The following BDH2 variants were observed in gnomAD, a reference collection of about 807,000 sequenced individuals.
BDH2 encodes the protein dehydrogenase/reductase SDR family member 6.
In BDH2, 24 loss-of-function variants were observed where a neutral mutation model predicts 33.2. The observed-to-expected ratio is 0.72, with a 90% CI of 0.52 to 1.02. The LOEUF is 1.02. Among genes scored for constraint, BDH2 ranks in the 50% least tolerant of loss-of-function variants. The pLI, the probability that BDH2 is intolerant of heterozygous loss-of-function variation, is 0.00. For missense variants in BDH2, 249 were observed against 301.6 expected (o/e 0.83, Z 1.29); for synonymous variants, 81 against 101.6 (o/e 0.80, Z 1.22).
At chr4:103,093,063 A>G (rs982515487) in intron 3 of BDH2, among the ~76,000 whole-genome samples, 21 of 152,188 alleles carry the variant, frequency 1.4e-4, no homozygotes, top group Admixed American at 1.2e-3. Flanking sequence ...AACTTCAAAC[A>G]TTAATTTTCT....
At chr4:103,092,488 G>A in intron 4 of BDH2, 112 bp downstream of exon 4, 5 of 720,394 alleles carry the variant, frequency 6.9e-6, no homozygotes, top group Admixed American at 2.6e-5. Context: ...TATTTCCCAA[G>A]GAATATGTCA....
chr4:103,088,439 TTG>T (rs1316807080), intron 5 of BDH2, among the ~76,000 whole-genome samples: 2 of 152,174 alleles, frequency 1.3e-5, no homozygotes, highest in African/African-American at 4.8e-5. Flanking sequence ...CCCCTAACAC[TTG>T]CACTATCCAT....
intron 5 of BDH2, among the ~76,000 whole-genome samples, chr4:103,090,248 G>A (rs1201236124): frequency 2.6e-5 from 4 of 152,206 alleles, no homozygotes; most frequent in Non-Finnish European, 4.4e-5. Flanking sequence ...AATCAGGGAT[G>A]TACGCTGCTC....
chr4:103,093,015 A>G (rs957218834), intron 3 of BDH2, among the ~76,000 whole-genome samples: 6 of 152,242 alleles, frequency 3.9e-5, no homozygotes, highest in African/African-American at 1.4e-4. Flanking sequence ...GTAAGCCAGC[A>G]GTAATAACTG....
intron 7 of BDH2, among the ~76,000 whole-genome samples, chr4:103,083,968 A>C (rs1747646982): frequency 6.6e-6 from 1 of 152,186 alleles, no homozygotes; most frequent in South Asian, 2.1e-4. Context: ...CTGGGTAGAA[A>C]TCACCTTAAT....
chr4:103,084,955 A>T (rs1005606592), intron 7 of BDH2, among the ~76,000 whole-genome samples: 8 of 152,208 alleles, frequency 5.3e-5, no homozygotes, highest in African/African-American at 1.9e-4. Flanking sequence ...GGAAACCTTG[A>T]TCCTGGATAT....
chr4:103,086,812 C>T lies in BDH2; in HGVS notation c.358-272G>A, dbSNP rs779829697. ...TGGTACAAGAATGTCAGCAAGACTA[C>T]GAGTGAATGCTGACTTAAATGAAAT... On this transcript the variant is annotated intron_variant, in intron 5 of 9. Transcript: ENST00000296424. Among the ~76,000 whole-genome samples the T allele has an allele frequency of 3.3e-5, 5 of 152,180 alleles. 1 individual carries two copies. The highest frequency in any genetic ancestry group is 1.9e-4 in the East Asian group (1 of 5,202).
At chr4:103,084,914 C>T (rs1039550341) in intron 7 of BDH2, among the ~76,000 whole-genome samples, 9 of 141,250 alleles carry the variant, frequency 6.4e-5, no homozygotes, top group African/African-American at 2.2e-4. Context: ...TTTCACACAC[C>T]ACCCCCCATT....
intron 5 of BDH2, among the ~76,000 whole-genome samples, chr4:103,088,446 A>G (rs1241335001): frequency 6.6e-6 from 1 of 152,216 alleles, no homozygotes; most frequent in East Asian, 1.9e-4. Context: ...CACTTGCACT[A>G]TCCATTCAAC....
At chr4:103,084,392 C>G (rs1426438866) in intron 7 of BDH2, among the ~76,000 whole-genome samples, 1 of 152,220 alleles carries the variant, frequency 6.6e-6, no homozygotes, top group Non-Finnish European at 1.5e-5. Context: ...ATACAACCAT[C>G]AGCAGCATCT....
At chr4:103,085,704 A>G (rs1747746994) in intron 6 of BDH2, 1 of 1,435,302 alleles carries the variant, frequency 7.0e-7, no homozygotes. Context: ...CTTACTTAAC[A>G]TTGGTAGTCT....
At chr4:103,086,453 G>T in intron 6 of BDH2, 27 bp downstream of exon 6, 1 of 1,608,126 alleles carries the variant, frequency 6.2e-7, no homozygotes, top group Non-Finnish European at 8.5e-7. Context: ...TATGAGCATC[G>T]CAGTCCTCGG....
Position 103,096,203 on chromosome 4 carries a change from T to A in BDH2, c.52A>T (p.Ile18Phe). The change falls in exon 2 of 10, where the codon ATT becomes TTT. Residue 18 changes from isoleucine (I) to phenylalanine (F), a missense_variant. Ile to Phe is a conservative substitution (Grantham distance 21). Transcript: ENST00000296424. ...VIILTAAAQG[I>F]GQAAALAFAR... ...CTTACTAAGGCAGCTGCTTGGCCAA[T>A]CCCCTGAGCAGCGGCCGTCAGGATG... is the stretch of plus-strand genomic sequence containing the variant. The A allele has an allele frequency of 6.2e-7, 1 of 1,613,002 alleles. No individual in the cohort carries two copies. Among genetic ancestry groups the A allele is most frequent in the African/African-American group, 1.3e-5 (1 of 75,026 alleles).
In BDH2 at chr4:103,077,760, T is replaced by C. The variant is rs1747304796; in HGVS notation, c.*1942A>G. ...ATTCACTAGAGAAGTTACAGCATTTTGATTATGATACACGAAAAGAAACCC... is the reference window on the plus strand; with the variant it reads ...ATTCACTAGAGAAGTTACAGCATTTCGATTATGATACACGAAAAGAAACCC... On this transcript the variant is annotated 3_prime_UTR_variant, in exon 10 of 10. Coordinates refer to ENST00000296424, the MANE Select transcript of BDH2 (RefSeq NM_020139.4). Among the ~76,000 whole-genome samples the C allele has an allele frequency of 6.6e-6, 1 of 152,234 alleles. No individual in the cohort carries two copies.
rs763218853 is a variant in BDH2 at position 103,092,591 on chromosome 4, A to G, written c.248+9T>C. On this transcript the variant is annotated intron_variant, in intron 4 of 9. Transcript: ENST00000296424. ...GTAAGGAAAGTGAAACTAAAAAGTT[A>G]TGAATTACCCAGCAACATTAAAGAG... 6.3e-7 allele frequency: 1 copy of G among 1,582,266 alleles called. No homozygotes were observed. Among genetic ancestry groups the G allele is most frequent in the Non-Finnish European group, 8.7e-7 (1 of 1,155,830 alleles).
At chr4:103,098,807 T>G (rs1000324638) in intron 1 of BDH2, 1 of 152,156 alleles carries the variant, frequency 6.6e-6, no homozygotes. Context: ...TTTCCCCTAA[T>G]AAAATCCATG....
At chr4:103,086,986 C>G (rs1004656892) in intron 5 of BDH2, among the ~76,000 whole-genome samples, 1 of 152,224 alleles carries the variant, frequency 6.6e-6, no homozygotes, top group African/African-American at 2.4e-5. Context: ...TAGAGTGGCT[C>G]ACATAATCCA....
At chr4:103,091,103 G>A in intron 5 of BDH2, 74 bp downstream of exon 5, 1 of 854,198 alleles carries the variant, frequency 1.2e-6, no homozygotes. Flanking sequence ...CAGCACATGT[G>A]GGAATCCCTT....
chr4:103,086,274 C>A, intron 6 of BDH2: 1 of 1,305,904 alleles, frequency 7.7e-7, no homozygotes, highest in South Asian at 2.5e-5. Flanking sequence ...CAAAAATACC[C>A]CACATTTTAA....
Sources: gnomAD v4.1 joint callset for allele counts (sites outside exome capture counted in the v4.1 genomes callset) on GRCh38, gnomAD v4.1.1 for gene constraint, MANE v1.5 for transcripts, NCBI Gene and HGNC (gene_info 2026-07-23, HGNC 2026-07-21) for gene names.